The following TRUB1 variants were observed in gnomAD, a reference collection of about 807,000 sequenced individuals.
TRUB1 encodes the protein TruB pseudouridine synthase family member 1, also known as pseudouridylate synthase TRUB1.
Under a neutral mutation model 33.9 loss-of-function variants are expected in TRUB1, and 23 were observed. The observed-to-expected ratio is 0.68, with a 90% CI of 0.49 to 0.96. The LOEUF (loss-of-function observed/expected upper bound fraction) is 0.96, where lower values mean the gene tolerates loss of function less well. Ranked by LOEUF, TRUB1 falls within the 40% of genes least tolerant of loss-of-function variation. The pLI is 0.00. For synonymous variants in TRUB1, 163 were observed against 165.4 expected, an observed-to-expected ratio of 0.99 and a Z score of 0.11; for missense variants, 378 against 422.2, an observed-to-expected ratio of 0.90 and a Z score of 0.92.
rs2084357371 is a variant in TRUB1, at chr10:114,975,676, A to G, written c.*297A>G. 5.3e-6 allele frequency: 1 copy of G among 189,862 alleles called. No individual in the cohort carries two copies. The highest frequency in any genetic ancestry group is 1.9e-4 in the South Asian group (1 of 5,324). 11.8% of individuals were successfully genotyped at this position (189,862 alleles called of 1,614,324 possible). ...AACTTTCTGAATTTGATCTGTCTTC[A>G]GTCTTGTGAAAAAGTTGAACAAATT... On this transcript the variant is annotated 3_prime_UTR_variant, in exon 8 of 8. Transcript: ENST00000298746.
chr10:114,951,863 A>AT (rs535097867), intron 3 of TRUB1, among the ~76,000 whole-genome samples: 1 of 152,188 alleles, frequency 6.6e-6, no homozygotes, highest in Admixed American at 6.5e-5. Context: ...GAAAAATTTC[A>AT]TTATGTTCCT....
At position 114,972,224 on chromosome 10, in the gene TRUB1, C is replaced by T; in HGVS notation, c.686C>T (p.Thr229Ile). ...VVEAKPARPV[T>I]VYSISLQKFQ... ...GAAGCAAAACCTGCCAGGCCAGTGA[C>T]TGTATACAGTATCTCCCTTCAAAAA... is the stretch of plus-strand genomic sequence containing the variant. Residue 229 changes from threonine (T) to isoleucine (I), a missense_variant, in exon 6 of 8, where the codon ACT becomes ATT. By Grantham distance (89) the Thr-to-Ile change is moderately conservative (BLOSUM62 -1). Coordinates refer to ENST00000298746, the MANE Select transcript of TRUB1 (RefSeq NM_139169.5). 7 of 1,613,570 alleles carry T rather than the reference C, an allele frequency of 4.3e-6. No individual in the cohort carries two copies. The highest frequency in any genetic ancestry group is 5.9e-6 in the Non-Finnish European group (7 of 1,179,760).
At chr10:114,966,260 G>A (rs1031885481) in intron 4 of TRUB1, among the ~76,000 whole-genome samples, 1 of 152,072 alleles carries the variant, frequency 6.6e-6, no homozygotes, top group African/African-American at 2.4e-5. Flanking sequence ...TATCCTTTCT[G>A]TGGTTGCCTT....
chr10:114,945,262 T>C (rs764472093), intron 2 of TRUB1, among the ~76,000 whole-genome samples: 15 of 152,218 alleles, frequency 9.9e-5, no homozygotes, highest in Non-Finnish European at 1.5e-4. Flanking sequence ...GCTCCTGCTT[T>C]TGTTCCTCAT....
chr10:114,947,036 T>C (rs911873534), intron 2 of TRUB1, among the ~76,000 whole-genome samples: 3 of 152,142 alleles, frequency 2.0e-5, no homozygotes, highest in Non-Finnish European at 4.4e-5. Flanking sequence ...CAATATTCTT[T>C]AAAAGTGGAA....
At chr10:114,939,920 T>C (rs920870660) in intron 1 of TRUB1, among the ~76,000 whole-genome samples, 2 of 151,686 alleles carry the variant, frequency 1.3e-5, no homozygotes, top group Non-Finnish European at 2.9e-5. Context: ...CTAATCTGCC[T>C]CTAAGAACTG....
intron 1 of TRUB1, among the ~76,000 whole-genome samples, chr10:114,939,212 A>G (rs966363006): frequency 1.3e-5 from 2 of 152,200 alleles, no homozygotes; most frequent in Non-Finnish European, 2.9e-5. Flanking sequence ...ATTCACGTAC[A>G]CTGGGAAAAT....
At chr10:114,951,809 A>G (rs766578980) in intron 3 of TRUB1, among the ~76,000 whole-genome samples, 1 of 152,228 alleles carries the variant, frequency 6.6e-6, no homozygotes, top group Non-Finnish European at 1.5e-5. Flanking sequence ...CTAAGGGTCA[A>G]TGAAAATGCA....
At chr10:114,970,806 G>C (rs959643905) in intron 5 of TRUB1, among the ~76,000 whole-genome samples, 1 of 152,218 alleles carries the variant, frequency 6.6e-6, no homozygotes, top group African/African-American at 2.4e-5. Flanking sequence ...AGAGCTGTGA[G>C]TCAGAGTCCT....
intron 4 of TRUB1, among the ~76,000 whole-genome samples, chr10:114,961,102 T>C (rs1000188759): frequency 6.6e-6 from 1 of 152,078 alleles, no homozygotes; most frequent in Non-Finnish European, 1.5e-5. Flanking sequence ...ATTTTCTTAG[T>C]CTCTTTATGT....
chr10:114,942,632 A>G lies in TRUB1; in HGVS notation c.287-13A>G. The G allele has an allele frequency of 2.5e-6, 4 of 1,589,604 alleles. No individual in the cohort carries two copies. Among genetic ancestry groups the G allele is most frequent in the Non-Finnish European group, 3.5e-6 (4 of 1,158,362 alleles). On this transcript the variant is annotated splice_polypyrimidine_tract_variant and intron_variant, in intron 1 of 7. Transcript: ENST00000298746. ...TTGGTGATCACCTTTTTTCATCCCC[A>G]TTTCTCTCATAGAAGCTGGAATGCC...
intron 2 of TRUB1, among the ~76,000 whole-genome samples, chr10:114,946,644 A>G (rs1027313640): frequency 1.3e-5 from 2 of 152,118 alleles, no homozygotes; most frequent in African/African-American, 2.4e-5. Context: ...GCCCGGCCAA[A>G]AGGTCTTTTT....
intron 1 of TRUB1, among the ~76,000 whole-genome samples, chr10:114,939,341 G>C (rs2143019801): frequency 6.6e-6 from 1 of 152,284 alleles, no homozygotes; most frequent in African/African-American, 2.4e-5. Context: ...CTAGCCTATA[G>C]AGACTTGAAG....
chr10:114,938,899 A>G (rs1338287686), intron 1 of TRUB1, among the ~76,000 whole-genome samples: 1 of 152,238 alleles, frequency 6.6e-6, no homozygotes, highest in Non-Finnish European at 1.5e-5. Flanking sequence ...CTGCACCCCT[A>G]AAGTTGCATT....
At chr10:114,954,257 G>A (rs1260900388) in intron 3 of TRUB1, among the ~76,000 whole-genome samples, 1 of 152,120 alleles carries the variant, frequency 6.6e-6, no homozygotes, top group Non-Finnish European at 1.5e-5. Context: ...AATATTCAGT[G>A]TTCTTGTTAC....
In TRUB1 at chr10:114,975,656, T is replaced by C; in HGVS notation, c.*277T>C. ...TGATTGGATTCAGAAAAATTAACTT[T>C]CTGAATTTGATCTGTCTTCAGTCTT... On this transcript the variant is annotated 3_prime_UTR_variant, in exon 8 of 8. Coordinates refer to ENST00000298746, the MANE Select transcript of TRUB1 (RefSeq NM_139169.5). 1 of 231,040 alleles carries C rather than the reference T, an allele frequency of 4.3e-6. No individual in the cohort carries two copies. The highest frequency in any genetic ancestry group is 8.4e-6 in the Non-Finnish European group (1 of 119,072). The allele number at this position is 231,040 out of a possible 1,614,324, so 14.3% of individuals were successfully genotyped here.
At chr10:114,939,859 T>A (rs572994221) in intron 1 of TRUB1, among the ~76,000 whole-genome samples, 2 of 150,932 alleles carry the variant, frequency 1.3e-5, no homozygotes, top group South Asian at 4.2e-4. Flanking sequence ...AAGGTAATGA[T>A]TACCATTCTT....
At chr10:114,942,775 C>T (rs1308377887) in intron 2 of TRUB1, 32 bp downstream of exon 2, 2 of 1,322,618 alleles carry the variant, frequency 1.5e-6, no homozygotes, top group Non-Finnish European at 2.2e-6. Context: ...TAAGTGTCCA[C>T]TGTCACTTAA....
chr10:114,948,994 G>A (rs1001760695), intron 2 of TRUB1, among the ~76,000 whole-genome samples: 23 of 152,266 alleles, frequency 1.5e-4, no homozygotes, highest in Middle Eastern at 3.4e-3. Context: ...AGCATTCTCC[G>A]GCCTCTTTAG....
Sources: gnomAD v4.1 joint callset for allele counts (sites outside exome capture counted in the v4.1 genomes callset) on GRCh38, gnomAD v4.1.1 for gene constraint, MANE v1.5 for transcripts, NCBI Gene and HGNC (gene_info 2026-07-23, HGNC 2026-07-21) for gene names.